Variants in SOX6 observed in about 807,000 individuals in gnomAD.
SOX6 encodes the protein transcription factor SOX-6.
SOX6 carries 11 observed loss-of-function variants against 97.8 expected under a neutral mutation model. The ratio of observed to expected loss-of-function variants is 0.11; its 90% CI spans 0.07 to 0.19. The LOEUF (loss-of-function observed/expected upper bound fraction) is 0.19, where lower values mean the gene tolerates loss of function less well. SOX6 is among the 10% of genes least tolerant of loss of function. The probability of loss-of-function intolerance (pLI) is 1.00; values close to 1 mark genes in which losing one functional copy is unlikely to be tolerated. For missense variants in SOX6, 810 were observed against 1,039.5 expected (o/e 0.78, Z 3.04); for synonymous variants, 360 against 371.4 (o/e 0.97, Z 0.35).
intron 1 of SOX6, among the ~76,000 whole-genome samples, chr11:16,388,314 T>C (rs1000165942): frequency 1.3e-5 from 2 of 152,150 alleles, no homozygotes; most frequent in Non-Finnish European, 2.9e-5. Flanking sequence ...TTGCTGGATT[T>C]GCTATTGTTT....
chr11:16,121,524 G>C (rs1292262285), intron 6 of SOX6, among the ~76,000 whole-genome samples: 1 of 151,848 alleles, frequency 6.6e-6, no homozygotes, highest in Non-Finnish European at 1.5e-5. Flanking sequence ...AGTGGTATTA[G>C]GTTTGTTCTC....
chr11:16,555,224 A>G (rs1847737627), intron 4 of SOX6, among the ~76,000 whole-genome samples: 1 of 151,952 alleles, frequency 6.6e-6, no homozygotes, highest in African/African-American at 2.4e-5. Context: ...AGAATTTTTA[A>G]CTTATACATA....
intron 4 of SOX6, among the ~76,000 whole-genome samples, chr11:16,209,190 T>C (rs1050189971): frequency 2.0e-5 from 3 of 152,196 alleles, no homozygotes; most frequent in African/African-American, 7.2e-5. Flanking sequence ...TTATTGTTAT[T>C]TTAAACAAAT....
chr11:16,046,537 G>C lies in SOX6; in HGVS notation c.1600C>G (p.Leu534Val). ...ACCTTTTCATTCCTGCAGCTGTTCA[G>C]CCCCATATTATTTATGGAGGACAGT... Reference protein sequence around the residue: ...GKLSSINNMGLNSCRNEKERT... With the variant: ...GKLSSINNMGVNSCRNEKERT... Residue 534 changes from leucine to valine, a missense_variant, in exon 12 of 16, where the codon CTG becomes GTG. By Grantham distance (32) the Leu-to-Val change is conservative. This residue lies in a region of SOX6 where 120 missense variants were observed against 127.0 expected (regional missense o/e 0.94). Coordinates refer to ENST00000683767, the MANE Select transcript of SOX6 (RefSeq NM_001367873.1). 1 of 1,613,516 alleles carries C rather than the reference G, an allele frequency of 6.2e-7. No homozygotes were observed. The highest frequency in any genetic ancestry group is 8.5e-7 in the Non-Finnish European group (1 of 1,179,710).
chr11:16,295,692 T>A (rs1855059736), intron 3 of SOX6, among the ~76,000 whole-genome samples: 1 of 152,106 alleles, frequency 6.6e-6, no homozygotes, highest in Non-Finnish European at 1.5e-5. Context: ...GTAAAACATG[T>A]CAACATCTGT....
At chr11:16,134,401 T>TCC (rs1564974001) in intron 6 of SOX6, among the ~76,000 whole-genome samples, 1,828 of 152,326 alleles carry the variant, frequency 0.012, 35 homozygotes, top group African/African-American at 0.042. Context: ...CCTTGAAAAC[T>TCC]TCTTGAAGAA....
At chr11:16,140,970 T>A (rs1275339788) in intron 6 of SOX6, among the ~76,000 whole-genome samples, 2 of 152,126 alleles carry the variant, frequency 1.3e-5, no homozygotes, top group Non-Finnish European at 2.9e-5. Flanking sequence ...ACAAATCAGC[T>A]GGGTGTCATG....
At chr11:16,641,636 A>T (rs1183657143) in intron 3 of SOX6, among the ~76,000 whole-genome samples, 1 of 152,156 alleles carries the variant, frequency 6.6e-6, no homozygotes, top group African/African-American at 2.4e-5. Flanking sequence ...CTTCTTGTTG[A>T]ATTGGTCCCT....
At chr11:16,471,910 C>A (rs1013404113) in intron 1 of SOX6, among the ~76,000 whole-genome samples, 1 of 152,172 alleles carries the variant, frequency 6.6e-6, no homozygotes, top group Non-Finnish European at 1.5e-5. Context: ...GTATGACTAG[C>A]ATGACATGTG....
intron 1 of SOX6, among the ~76,000 whole-genome samples, chr11:16,349,502 G>A (rs1390966200): frequency 2.6e-5 from 4 of 151,978 alleles, no homozygotes; most frequent in Non-Finnish European, 5.9e-5. Flanking sequence ...TGTAATCCCA[G>A]CTCTGCAGGA....
At chr11:16,170,628 G>A (rs940011037) in intron 6 of SOX6, among the ~76,000 whole-genome samples, 2 of 151,926 alleles carry the variant, frequency 1.3e-5, no homozygotes, top group Admixed American at 6.6e-5. Context: ...CGAATGGGAC[G>A]GACTTGCTGT....
chr11:16,286,898 T>C (rs1854759992), intron 3 of SOX6, among the ~76,000 whole-genome samples: 1 of 152,100 alleles, frequency 6.6e-6, no homozygotes, highest in Non-Finnish European at 1.5e-5. Context: ...TTGTTTAAGC[T>C]AGATGATAGG....
chr11:16,579,432 C>T (rs1848011109), intron 4 of SOX6, among the ~76,000 whole-genome samples: 1 of 151,924 alleles, frequency 6.6e-6, no homozygotes, highest in Admixed American at 6.6e-5. Context: ...TTCTCACATT[C>T]CTCTTCCCAA....
intron 3 of SOX6, among the ~76,000 whole-genome samples, chr11:16,237,319 GA>G (rs1853054561): frequency 6.6e-6 from 1 of 151,994 alleles, no homozygotes; most frequent in South Asian, 2.1e-4. Context: ...TCTATAAGCA[GA>G]AGACACTACT....
intron 3 of SOX6, among the ~76,000 whole-genome samples, chr11:16,260,517 G>T (rs920791740): frequency 6.6e-6 from 1 of 152,044 alleles, no homozygotes; most frequent in East Asian, 1.9e-4. Flanking sequence ...CTGACATTTG[G>T]CTATGGACAA....
intron 9 of SOX6, among the ~76,000 whole-genome samples, chr11:16,083,346 A>G (rs1848513454): frequency 6.6e-6 from 1 of 152,114 alleles, no homozygotes; most frequent in African/African-American, 2.4e-5. Flanking sequence ...TTAAATAATT[A>G]CTCTTTTCAT....
At chr11:16,448,769 T>C (rs1187257976) in intron 1 of SOX6, among the ~76,000 whole-genome samples, 1 of 152,194 alleles carries the variant, frequency 6.6e-6, no homozygotes, top group Admixed American at 6.5e-5. Flanking sequence ...CAGTGGCTTA[T>C]GCCTGTAATC....
intron 4 of SOX6, among the ~76,000 whole-genome samples, chr11:16,585,344 T>A (rs1040930492): frequency 2.0e-5 from 3 of 152,240 alleles, no homozygotes; most frequent in Non-Finnish European, 4.4e-5. Flanking sequence ...TGCCAAGCAC[T>A]GTTCTAAGCA....
chr11:15,973,549 G>T (rs1191819902), intron 15 of SOX6, among the ~76,000 whole-genome samples: 1 of 152,162 alleles, frequency 6.6e-6, no homozygotes, highest in Non-Finnish European at 1.5e-5. Context: ...CTTCACCTTG[G>T]TTTGAGAAAT....
Sources: allele counts gnomAD v4.1 joint callset (sites outside exome capture counted in the v4.1 genomes callset), GRCh38; gene constraint gnomAD v4.1.1; regional missense constraint gnomAD v4.1.1; transcripts MANE v1.5; gene names NCBI Gene and HGNC (gene_info 2026-07-23, HGNC 2026-07-21).